Variants in BIRC6 observed in about 807,000 individuals in gnomAD.
BIRC6 encodes the protein dual E2 ubiquitin-conjugating enzyme/E3 ubiquitin-protein ligase BIRC6.
BIRC6 carries 98 observed loss-of-function variants against 503.3 expected under a neutral mutation model. That is an observed-to-expected ratio of 0.19 (90% CI 0.17 to 0.23). The LOEUF is 0.23. Ranked by LOEUF, BIRC6 falls within the 10% of genes least tolerant of loss-of-function variation. The pLI, the probability that BIRC6 is intolerant of heterozygous loss-of-function variation, is 1.00. For missense variants in BIRC6, 5,360 were observed against 5,806.0 expected (o/e 0.92, Z 2.50); for synonymous variants, 2,240 against 2,078.7 (o/e 1.08, Z -2.11).
chr2:32,436,306 C>A, intron 15 of BIRC6, 122 bp downstream of exon 15: 2 of 889,564 alleles, frequency 2.2e-6, no homozygotes, highest in Non-Finnish European at 3.1e-6. Flanking sequence ...GAAATTTCAT[C>A]AGTTTTCTGG....
At position 32,464,634 on chromosome 2, in the gene BIRC6, T is replaced by A; in HGVS notation, c.5067T>A (p.His1689Gln). 6.2e-7 allele frequency: 1 copy of A among 1,614,020 alleles called. No individual in the cohort carries two copies. ...TGGCTGCCCCTGGATTCTTCATTCATCCATCTGATGTTATTCCACCCACTC... is the reference window on the plus strand; with the variant it reads ...TGGCTGCCCCTGGATTCTTCATTCAACCATCTGATGTTATTCCACCCACTC... Reference protein sequence around the residue: ...NPVAAPGFFIHPSDVIPPTPK... With the variant: ...NPVAAPGFFIQPSDVIPPTPK... Residue 1689 changes from histidine (H) to glutamine (Q), a missense_variant, in exon 25 of 74, where the codon CAT (histidine) becomes CAA (glutamine). Coordinates refer to ENST00000421745, the MANE Select transcript of BIRC6 (RefSeq NM_016252.4).
In BIRC6 at chr2:32,584,867, A is replaced by C. The variant is rs138117883; in HGVS notation, c.13356-9048A>C. Among the ~76,000 whole-genome samples, 12 of 152,272 alleles carry C rather than the reference A, an allele frequency of 7.9e-5. No homozygotes were observed. The East Asian group carries it at 2.3e-3, about 29-fold the overall frequency. ...GATCCATTCCCTGGGCTAGTGTTTG[A>C]AAATTCCTGTAACCATAAACGTTTT... On this transcript the variant is annotated intron_variant, in intron 66 of 73. Transcript: ENST00000421745.
chr2:32,405,682 C>G (rs1356064996), intron 8 of BIRC6, among the ~76,000 whole-genome samples: 1 of 152,088 alleles, frequency 6.6e-6, no homozygotes, highest in Non-Finnish European at 1.5e-5. Context: ...GAGTTCTTAG[C>G]CTCTCCAAAA....
intron 10 of BIRC6, among the ~76,000 whole-genome samples, chr2:32,419,555 T>C (rs2042725957): frequency 6.6e-6 from 1 of 152,118 alleles, no homozygotes; most frequent in Non-Finnish European, 1.5e-5. Context: ...CAGGAAAGAC[T>C]TAAATGAGAA....
chr2:32,495,180 T>C lies in BIRC6; in HGVS notation c.8468+1513T>C, dbSNP rs115295775. On this transcript the variant is annotated intron_variant, in intron 45 of 73. Coordinates refer to ENST00000421745, the MANE Select transcript of BIRC6 (RefSeq NM_016252.4). ...CAGTGAAGATTTTCATACTAAACTT[T>C]TAATATATTTGCTCTAACATTTTCT... is the stretch of plus-strand genomic sequence containing the variant. Among the ~76,000 whole-genome samples the C allele has an allele frequency of 1.5e-3, 233 of 152,354 alleles. 1 individual carries two copies. Among genetic ancestry groups the C allele is most frequent in the African/African-American group, 5.4e-3 (226 of 41,584 alleles).
At position 32,611,588 on chromosome 2, in the gene BIRC6, TA is replaced by T. The variant is rs777660640; in HGVS notation, c.14394+8del. 1.3e-6 allele frequency: 2 copies of T among 1,553,458 alleles called. No homozygotes were observed. The highest frequency in any genetic ancestry group is 1.7e-6 in the Non-Finnish European group (2 of 1,145,928). The stretch of plus-strand genomic sequence containing the variant: ...ACCATGCAGCAGCTCTCAAGGTGAG[TA>T]AGCCTCTCTAACAGGAGCCTTGTTG... On this transcript the variant is annotated splice_region_variant and intron_variant, in intron 73 of 73. Coordinates refer to ENST00000421745, the MANE Select transcript of BIRC6 (RefSeq NM_016252.4).
chr2:32,389,072 A>G lies in BIRC6; in HGVS notation c.839+129A>G, dbSNP rs2038876527. The stretch of plus-strand genomic sequence containing the variant: ...CAATTTCTAGCCTAATTTTGAAATT[A>G]AAAAAAAATCAATATGAATTAGAAT... On this transcript the variant is annotated intron_variant, in intron 4 of 73. Transcript: ENST00000421745. 8 of 601,876 alleles carry G rather than the reference A, an allele frequency of 1.3e-5. No individual in the cohort carries two copies. The East Asian group carries it at 2.8e-4, about 21-fold the overall frequency. 37.3% of individuals were successfully genotyped at this position (601,876 alleles called of 1,614,324 possible). A position where few individuals can be genotyped will look rare whatever the true frequency, so the allele number is the denominator to read the frequency against.
chr2:32,371,768 A>G (rs1373663060), intron 1 of BIRC6, among the ~76,000 whole-genome samples: 1 of 151,984 alleles, frequency 6.6e-6, no homozygotes, highest in Non-Finnish European at 1.5e-5. Flanking sequence ...TAGCATAGTT[A>G]ATAGGCTATT....
intron 9 of BIRC6, among the ~76,000 whole-genome samples, chr2:32,408,263 C>T (rs755628916): frequency 2.0e-5 from 3 of 151,994 alleles, no homozygotes; most frequent in Admixed American, 2.0e-4. Flanking sequence ...CCACCGTGCC[C>T]GGCCAGACCT....
intron 58 of BIRC6, 21 bp from the exon 59 acceptor site, chr2:32,525,443 T>G (rs915283974): frequency 2.2e-5 from 36 of 1,613,610 alleles, no homozygotes; most frequent in Non-Finnish European, 3.0e-5. Context: ...ATGTAGAATC[T>G]TACTGATCCT....
intron 17 of BIRC6, 126 bp from the exon 18 acceptor site, chr2:32,441,935 TATTG>T: frequency 1.6e-6 from 1 of 620,122 alleles, no homozygotes; most frequent in South Asian, 4.4e-5. Flanking sequence ...GACATATAGC[TATTG>T]ATTGTTTTTA....
rs770185817 is a variant in BIRC6 at position 32,468,017 on chromosome 2, G to A, written c.5686G>A (p.Asp1896Asn). 3 of 1,613,828 alleles carry A rather than the reference G, an allele frequency of 1.9e-6. No individual in the cohort carries two copies. The highest frequency in any genetic ancestry group is 1.7e-6 in the Non-Finnish European group (2 of 1,179,820). The change falls in exon 28 of 74, where the codon GAT (aspartate) becomes AAT (asparagine). Residue 1896 changes from aspartate (D) to asparagine (N), a missense_variant. Asp to Asn is a conservative substitution (Grantham distance 23). Coordinates refer to ENST00000421745, the MANE Select transcript of BIRC6 (RefSeq NM_016252.4). ...PWESELKLMH[D>N]PLKGEGESAN... ...GGAAAGTGAACTGAAGTTAATGCATGATCCTCTAAAGGGAGAGGGAGAATC... is the reference window on the plus strand; with the variant it reads ...GGAAAGTGAACTGAAGTTAATGCATAATCCTCTAAAGGGAGAGGGAGAATC...
At chr2:32,477,895 A>G (rs1291465742) in intron 35 of BIRC6, among the ~76,000 whole-genome samples, 1 of 152,130 alleles carries the variant, frequency 6.6e-6, no homozygotes, top group Non-Finnish European at 1.5e-5. Context: ...AATTCTTTTC[A>G]AATTTTTCCT....
chr2:32,504,055 T>C (rs1265348292), intron 49 of BIRC6, among the ~76,000 whole-genome samples: 1 of 146,662 alleles, frequency 6.8e-6, no homozygotes, highest in African/African-American at 2.5e-5. Flanking sequence ...TGTGTGTGTG[T>C]GTGTGTGTGT....
In BIRC6 at chr2:32,430,905, C is replaced by G. The variant is rs2044030461; in HGVS notation, c.3063C>G (p.Ile1021Met). 6.5e-7 allele frequency: 1 copy of G among 1,527,884 alleles called. No homozygotes were observed. The highest frequency in any genetic ancestry group is 1.4e-5 in the African/African-American group (1 of 70,688). The allele number at this position is 1,527,884 out of a possible 1,614,324, so 94.6% of individuals were successfully genotyped here. Residue 1021 changes from isoleucine (I) to methionine (M), a missense_variant, in exon 12 of 74, where the codon ATC becomes ATG. Coordinates refer to ENST00000421745, the MANE Select transcript of BIRC6 (RefSeq NM_016252.4). Reference protein sequence around the residue: ...LLVDQPFTLEILTSLVELTRF... With the variant: ...LLVDQPFTLEMLTSLVELTRF... ...TGGACCAGCCATTCACCCTTGAAATCTTGACATCCCTAGTGGAGCTAACCC... is the reference window on the plus strand; with the variant it reads ...TGGACCAGCCATTCACCCTTGAAATGTTGACATCCCTAGTGGAGCTAACCC...
intron 1 of BIRC6, among the ~76,000 whole-genome samples, chr2:32,360,240 G>A (rs748022360): frequency 3.3e-5 from 5 of 152,206 alleles, no homozygotes; most frequent in South Asian, 2.1e-4. Context: ...TGCAGTTGAA[G>A]GATGGGAACA....
At chr2:32,579,198 T>A (rs2060499899) in intron 66 of BIRC6, among the ~76,000 whole-genome samples, 1 of 151,576 alleles carries the variant, frequency 6.6e-6, no homozygotes, top group South Asian at 2.1e-4. Flanking sequence ...ATTTTTACCT[T>A]CCTTTTGGGG....
chr2:32,610,066 A>C (rs2062756488), intron 72 of BIRC6, among the ~76,000 whole-genome samples: 1 of 152,104 alleles, frequency 6.6e-6, no homozygotes, highest in Non-Finnish European at 1.5e-5. Flanking sequence ...TGTTGTTACC[A>C]CTGTTCTTCA....
chr2:32,612,814 A>T (rs144923338), intron 73 of BIRC6, among the ~76,000 whole-genome samples: 2 of 152,216 alleles, frequency 1.3e-5, no homozygotes, highest in Non-Finnish European at 2.9e-5. Flanking sequence ...CACTATAAAA[A>T]TGTTTTGAAA....
Sources: allele counts gnomAD v4.1 joint callset (sites outside exome capture counted in the v4.1 genomes callset), GRCh38; gene constraint gnomAD v4.1.1; transcripts MANE v1.5; gene names NCBI Gene and HGNC (gene_info 2026-07-23, HGNC 2026-07-21).